Variants in PCDHGA6 observed in about 807,000 individuals in gnomAD.
The protein encoded by PCDHGA6 is protocadherin gamma-A6.
PCDHGA6 carries 41 observed loss-of-function variants against 60.6 expected under a neutral mutation model. The ratio of observed to expected loss-of-function variants is 0.68; its 90% confidence interval spans 0.53 to 0.88. The LOEUF is 0.88. PCDHGA6 is among the 40% of genes least tolerant of loss of function. The probability of loss-of-function intolerance (pLI) is 0.00; values close to 1 mark genes in which losing one functional copy is unlikely to be tolerated. For synonymous variants in PCDHGA6, 594 were observed against 524.4 expected, an observed-to-expected ratio of 1.13 and a Z score of -1.81; for missense variants, 1,312 against 1,203.0, an observed-to-expected ratio of 1.09 and a Z score of -1.34.
chr5:141,442,930 T>C (rs77210959), intron 1 of PCDHGA6, among the ~76,000 whole-genome samples: 6,420 of 152,302 alleles, frequency 0.042, 216 homozygotes, highest in African/African-American at 0.092. Flanking sequence ...TCATTTTCTA[T>C]TTAAGAAACT....
chr5:141,390,867 C>CGTGTGTGT (rs61319619), intron 1 of PCDHGA6: 11 of 151,144 alleles, frequency 7.3e-5, no homozygotes, highest in African/African-American at 2.7e-4. Flanking sequence ...GCTGTGTGTG[C>CGTGTGTGT]GTGTGTGTGT....
At position 141,379,889 on chromosome 5, in the gene PCDHGA6, C is replaced by CTTTTTTTTTTTTTTTTTTTTTTTTTT. The variant is rs70988800; in HGVS notation, c.2424+3387_2424+3412dup. On this transcript the variant is annotated intron_variant, in intron 1 of 3. Coordinates refer to ENST00000517434, the MANE Select transcript of PCDHGA6 (RefSeq NM_018919.3). ...CTTATTTTATGGTCTGTGAAAGCCT[C>CTTTTTTTTTTTTTTTTTTTTTTTTTT]TTTTTTTTTTTTTTTTTTTTTTTTT... Among the ~76,000 whole-genome samples the CTTTTTTTTTTTTTTTTTTTTTTTTTT allele has an allele frequency of 6.9e-4, 35 of 50,830 alleles. 8 individuals carry two copies. Among genetic ancestry groups the CTTTTTTTTTTTTTTTTTTTTTTTTTT allele is most frequent in the Non-Finnish European group, 8.9e-4 (23 of 25,880 alleles). The allele number at this position is 50,830 out of a possible 152,430, so 33.3% of individuals were successfully genotyped here. A position where few individuals can be genotyped will look rare whatever the true frequency, so the allele number is the denominator to read the frequency against.
chr5:141,428,324 T>C, intron 1 of PCDHGA6: 1 of 642,806 alleles, frequency 1.6e-6, no homozygotes, highest in Non-Finnish European at 2.8e-6. Flanking sequence ...TTGGCCTTGA[T>C]TTCTATGCTC....
At chr5:141,387,594 C>T in intron 1 of PCDHGA6, 1 of 528,418 alleles carries the variant, frequency 1.9e-6, no homozygotes, top group East Asian at 3.1e-5. Context: ...TAACTTGAAG[C>T]AGCAGAGGCT....
intron 1 of PCDHGA6, chr5:141,418,636 C>G (rs564881404): frequency 6.2e-7 from 1 of 1,613,980 alleles, no homozygotes; most frequent in South Asian, 1.1e-5. Context: ...CTCCAGGCAC[C>G]TCCATCCTGA....
In PCDHGA6 at chr5:141,445,037, GT is replaced by G. The variant is rs2098454887; in HGVS notation, c.2425-49766del. 5.3e-5 allele frequency among the ~76,000 whole-genome samples: 8 copies of G among 152,072 alleles called. No homozygotes were observed. In the South Asian group the frequency reaches 1.7e-3, roughly 32 times the overall value. On this transcript the variant is annotated intron_variant, in intron 1 of 3. Transcript: ENST00000517434. ...TAATTTCTCTCAGCTATGTTGTATAGTTTTCAGTGTAGAGAGGTCATGTATA... is the reference window on the plus strand; with the variant it reads ...TAATTTCTCTCAGCTATGTTGTATAGTTTCAGTGTAGAGAGGTCATGTATA...
rs118080774 is a variant in PCDHGA6, at chr5:141,422,026, G to A, written c.2424+45519G>A. On this transcript the variant is annotated intron_variant, in intron 1 of 3. Coordinates refer to ENST00000517434, the MANE Select transcript of PCDHGA6 (RefSeq NM_018919.3). ...CGGAACTCGGGTGCTGATGGTTAAT[G>A]CAACGGATCCAGACGAGGGAATCAA... 69 of 1,611,394 alleles carry A rather than the reference G, an allele frequency of 4.3e-5. No individual in the cohort carries two copies. The East Asian group carries it at 1.4e-3, about 32-fold the overall frequency.
At chr5:141,465,094 GT>G (rs138941665) in intron 1 of PCDHGA6, among the ~76,000 whole-genome samples, 203 of 148,178 alleles carry the variant, frequency 1.4e-3, no homozygotes, top group Admixed American at 7.3e-3. Context: ...TTTTCTAGTA[GT>G]TTTTTTTTTA....
rs371619613 is a variant in PCDHGA6 at position 141,444,258 on chromosome 5, G to A, written c.2425-50549G>A. The stretch of plus-strand genomic sequence containing the variant: ...ATGCTCTCGGCTCACTGCAACCTCC[G>A]CCTCCCAGGTTCAAGTGATTCTCCT... On this transcript the variant is annotated intron_variant, in intron 1 of 3. Coordinates refer to ENST00000517434, the MANE Select transcript of PCDHGA6 (RefSeq NM_018919.3). 1.3e-4 allele frequency among the ~76,000 whole-genome samples: 16 copies of A among 127,752 alleles called. No homozygotes were observed. The South Asian group carries it at 2.7e-3, about 21-fold the overall frequency. The allele number at this position is 127,752 out of a possible 152,430, so 83.8% of individuals were successfully genotyped here.
rs2099745591 is a variant in PCDHGA6, at chr5:141,492,999, T to C, written c.2425-1808T>C. Among the ~76,000 whole-genome samples, 3 of 152,350 alleles carry C rather than the reference T, an allele frequency of 2.0e-5. No homozygotes were observed. In the South Asian group the frequency reaches 6.2e-4, roughly 32 times the overall value. ...CTGTCTCCTCTGGCAGATGGAAAGCTATAGGCTCTGCCAGATGCCAGGGTG... is the reference window on the plus strand; with the variant it reads ...CTGTCTCCTCTGGCAGATGGAAAGCCATAGGCTCTGCCAGATGCCAGGGTG... On this transcript the variant is annotated intron_variant, in intron 1 of 3. Coordinates refer to ENST00000517434, the MANE Select transcript of PCDHGA6 (RefSeq NM_018919.3).
rs1385408442 is a variant in PCDHGA6 at position 141,487,321 on chromosome 5, T to A, written c.2425-7486T>A. 1 of 1,614,198 alleles carries A rather than the reference T, an allele frequency of 6.2e-7. No homozygotes were observed. The highest frequency in any genetic ancestry group is 1.7e-5 in the Admixed American group (1 of 60,032). ...TCGTGGCACTACTCTCTAAGTGTCT[T>A]CGTGGGGCAGCCTGTGGAGTCACAT... is the stretch of plus-strand genomic sequence containing the variant. On this transcript the variant is annotated intron_variant, in intron 1 of 3. Transcript: ENST00000517434. This position sits in a 1 kb window ranked among gnomAD's most constrained non-coding sequence, Gnocchi z 5.0.
chr5:141,477,678 C>A lies in PCDHGA6; in HGVS notation c.2425-17129C>A, dbSNP rs967769574. 1 of 1,614,182 alleles carries A rather than the reference C, an allele frequency of 6.2e-7. No individual in the cohort carries two copies. The highest frequency in any genetic ancestry group is 1.3e-5 in the African/African-American group (1 of 75,054). ...AATCGTGACAATGGCATAGTGTCAT[C>A]CTTAGTGCCCCTAGACTATGAGGAT... is the stretch of plus-strand genomic sequence containing the variant. On this transcript the variant is annotated intron_variant, in intron 1 of 3. Transcript: ENST00000517434. The surrounding 1 kb of genome is among the most constrained non-coding windows in gnomAD (Gnocchi z 4.9).
chr5:141,498,273 A>G (rs1595516143), intron 2 of PCDHGA6, among the ~76,000 whole-genome samples: 1 of 152,038 alleles, frequency 6.6e-6, no homozygotes, highest in East Asian at 1.9e-4. Flanking sequence ...TCTTCAGTAA[A>G]CTTGGTTCAA....
chr5:141,468,847 C>T (rs2099182933), intron 1 of PCDHGA6, among the ~76,000 whole-genome samples: 1 of 151,986 alleles, frequency 6.6e-6, no homozygotes, highest in African/African-American at 2.4e-5. Flanking sequence ...GCCTGGGCAA[C>T]AGAGCGAGAC....
intron 1 of PCDHGA6, chr5:141,423,431 G>T: frequency 6.2e-7 from 1 of 1,614,010 alleles, no homozygotes; most frequent in South Asian, 1.1e-5. Context: ...GGGTTGGCAG[G>T]TATGCCCACG....
intron 1 of PCDHGA6, chr5:141,410,847 GTCT>G: frequency 6.3e-6 from 1 of 158,248 alleles, no homozygotes. Context: ...TTTTGTCTTT[GTCT>G]TTTTTTTTTT....
At chr5:141,409,798 G>T (rs2095317053) in intron 1 of PCDHGA6, 1 of 1,611,672 alleles carries the variant, frequency 6.2e-7, no homozygotes, top group South Asian at 1.1e-5. Context: ...CGCTCACGCT[G>T]CAGGCCCGCG....
intron 1 of PCDHGA6, chr5:141,408,156 T>C: frequency 6.6e-7 from 1 of 1,512,436 alleles, no homozygotes; most frequent in Non-Finnish European, 8.9e-7. Context: ...TAGAGTGCAC[T>C]TTCTCCAACT....
At chr5:141,435,800 A>G (rs530461064) in intron 1 of PCDHGA6, among the ~76,000 whole-genome samples, 20 of 152,128 alleles carry the variant, frequency 1.3e-4, no homozygotes, top group Non-Finnish European at 2.6e-4. Flanking sequence ...ATAACGTCCC[A>G]ATTATTTTTT....
Sources: gnomAD v4.1 joint callset for allele counts (sites outside exome capture counted in the v4.1 genomes callset) on GRCh38, gnomAD v4.1.1 for gene constraint, Gnocchi (gnomAD v3.1) non-coding constraint, MANE v1.5 for transcripts, NCBI Gene and HGNC (gene_info 2026-07-23, HGNC 2026-07-21) for gene names.